The following CAMSAP2 variants were observed in gnomAD, a reference collection of about 807,000 sequenced individuals.
CAMSAP2 encodes the protein calmodulin-regulated spectrin-associated protein 2.
In CAMSAP2, 26 loss-of-function variants were observed where a neutral mutation model predicts 146.1. The observed-to-expected ratio is 0.18, with a 90% CI of 0.13 to 0.25. CAMSAP2 has a LOEUF of 0.25. Ranked by LOEUF, CAMSAP2 falls within the 10% of genes least tolerant of loss-of-function variation. The pLI is 1.00. For synonymous variants in CAMSAP2, 499 were observed against 596.6 expected, an observed-to-expected ratio of 0.84 and a Z score of 2.38; for missense variants, 1,381 against 1,759.3, an observed-to-expected ratio of 0.78 and a Z score of 3.85.
chr1:200,760,773 T>C (rs1488816232), intron 1 of CAMSAP2, 66 bp from the exon 2 acceptor site: 6 of 1,131,468 alleles, frequency 5.3e-6, no homozygotes, highest in African/African-American at 1.6e-5. Context: ...ATAATAATTA[T>C]TAATTAAATT....
chr1:200,818,299 C>CTTGAAGA (rs1388477383), intron 4 of CAMSAP2, among the ~76,000 whole-genome samples: 1 of 152,022 alleles, frequency 6.6e-6, no homozygotes, highest in African/African-American at 2.4e-5. Context: ...ATAAAGTGAT[C>CTTGAAGA]TTGAAGAAAA....
intron 2 of CAMSAP2, among the ~76,000 whole-genome samples, chr1:200,802,992 T>C (rs1000100203): frequency 6.6e-6 from 1 of 152,218 alleles, no homozygotes; most frequent in Non-Finnish European, 1.5e-5. Context: ...TTTCTTTTCA[T>C]TGAAATGCCA....
intron 2 of CAMSAP2, among the ~76,000 whole-genome samples, chr1:200,776,646 C>T (rs1473916252): frequency 1.3e-5 from 2 of 152,052 alleles, no homozygotes; most frequent in South Asian, 2.1e-4. Context: ...ACCACTTGAA[C>T]CTGGGAGGTG....
intron 4 of CAMSAP2, among the ~76,000 whole-genome samples, chr1:200,819,075 A>G (rs1480033228): frequency 6.6e-6 from 1 of 152,216 alleles, no homozygotes; most frequent in African/African-American, 2.4e-5. Context: ...ATATATGCAC[A>G]TGTTGAAGGA....
At chr1:200,806,013 T>C (rs1351729695) in intron 2 of CAMSAP2, among the ~76,000 whole-genome samples, 1 of 152,152 alleles carries the variant, frequency 6.6e-6, no homozygotes, top group African/African-American at 2.4e-5. Flanking sequence ...AAATAGAGAA[T>C]AATATTTCTA....
intron 2 of CAMSAP2, among the ~76,000 whole-genome samples, chr1:200,806,393 A>G (rs536882426): frequency 6.6e-6 from 1 of 152,312 alleles, no homozygotes. Context: ...TCATGTTGAT[A>G]CAGATTTTTA....
chr1:200,743,791 A>G (rs113122215), intron 1 of CAMSAP2, among the ~76,000 whole-genome samples: 2,509 of 152,130 alleles, frequency 0.016, 28 homozygotes, highest in South Asian at 0.033. Flanking sequence ...AAATAGAAAA[A>G]TTAGCTGGGC....
At chr1:200,826,073 G>C (rs1666898563) in intron 4 of CAMSAP2, among the ~76,000 whole-genome samples, 1 of 152,136 alleles carries the variant, frequency 6.6e-6, no homozygotes, top group Non-Finnish European at 1.5e-5. Context: ...CTCCAAAAGA[G>C]CTTGTACCAT....
At position 200,761,053 on chromosome 1, in the gene CAMSAP2, A is replaced by G; in HGVS notation, c.354A>G (p.Glu118=). ...AQKGLYVTDQ[E]KLVTERDLHK... ...AAGGTCTTTATGTCACTGACCAGGA[A>G]AAATTGGTAACTGAACGAGATCTCC... The change falls in exon 2 of 17, where the codon GAA becomes GAG. Residue 118 remains glutamate (E), a synonymous_variant. Coordinates refer to ENST00000358823, the MANE Select transcript of CAMSAP2 (RefSeq NM_203459.4). 1 of 1,605,878 alleles carries G rather than the reference A, an allele frequency of 6.2e-7. No homozygotes were observed. Among genetic ancestry groups the G allele is most frequent in the Non-Finnish European group, 8.5e-7 (1 of 1,176,004 alleles).
intron 4 of CAMSAP2, among the ~76,000 whole-genome samples, chr1:200,822,946 C>T (rs1666813450): frequency 6.6e-6 from 1 of 152,060 alleles, no homozygotes; most frequent in South Asian, 2.1e-4. Flanking sequence ...ACTGCAGATA[C>T]AAAACTATGG....
chr1:200,750,398 A>G (rs1664465770), intron 1 of CAMSAP2, among the ~76,000 whole-genome samples: 1 of 152,168 alleles, frequency 6.6e-6, no homozygotes, highest in South Asian at 2.1e-4. Context: ...TTTGGGAGAA[A>G]AGATTGGTTT....
intron 2 of CAMSAP2, among the ~76,000 whole-genome samples, chr1:200,762,642 A>G (rs917030519): frequency 2.6e-5 from 4 of 152,252 alleles, no homozygotes; most frequent in African/African-American, 9.6e-5. Flanking sequence ...ATACAGATAT[A>G]TATGTCATAG....
At chr1:200,795,073 G>A (rs933463812) in intron 2 of CAMSAP2, among the ~76,000 whole-genome samples, 3 of 152,148 alleles carry the variant, frequency 2.0e-5, no homozygotes, top group African/African-American at 7.2e-5. Flanking sequence ...TTAAACCTAG[G>A]TACTCTGCTT....
chr1:200,775,974 G>A (rs187322615), intron 2 of CAMSAP2, among the ~76,000 whole-genome samples: 1 of 151,434 alleles, frequency 6.6e-6, no homozygotes, highest in African/African-American at 2.4e-5. Context: ...AAGCTTTCAA[G>A]GATCTTTAAA....
chr1:200,740,146 A>G (rs573836182), intron 1 of CAMSAP2, among the ~76,000 whole-genome samples, 180 bp downstream of exon 1: 48 of 152,284 alleles, frequency 3.2e-4, no homozygotes, highest in Admixed American at 1.5e-3. Context: ...TTGGTCTTCA[A>G]TGAAGGGCAC....
chr1:200,758,616 C>T (rs913356842), intron 1 of CAMSAP2, among the ~76,000 whole-genome samples: 2 of 152,190 alleles, frequency 1.3e-5, no homozygotes, highest in African/African-American at 2.4e-5. Flanking sequence ...GACCTCTTTC[C>T]AGAGTCCTAT....
intron 2 of CAMSAP2, among the ~76,000 whole-genome samples, chr1:200,766,374 C>T (rs115282655): frequency 2.8e-3 from 425 of 152,234 alleles, no homozygotes; most frequent in African/African-American, 9.4e-3. Context: ...TGATCTCAAA[C>T]TCCTGGGCTA....
At chr1:200,814,064 C>T (rs1169331480) in intron 3 of CAMSAP2, among the ~76,000 whole-genome samples, 60 of 141,612 alleles carry the variant, frequency 4.2e-4, no homozygotes, top group African/African-American at 1.4e-3. Context: ...GTCGAGATCA[C>T]GCCACTGCAC....
intron 2 of CAMSAP2, among the ~76,000 whole-genome samples, chr1:200,805,912 T>C (rs1229996327): frequency 1.3e-5 from 2 of 152,166 alleles, no homozygotes; most frequent in Non-Finnish European, 2.9e-5. Flanking sequence ...TATGAGAGAA[T>C]GATATGATGC....
Sources: allele counts gnomAD v4.1 joint callset (sites outside exome capture counted in the v4.1 genomes callset), GRCh38; gene constraint gnomAD v4.1.1; transcripts MANE v1.5; gene names NCBI Gene and HGNC (gene_info 2026-07-23, HGNC 2026-07-21).